The following CALCR variants were observed in gnomAD, a reference collection of about 807,000 sequenced individuals.
CALCR encodes calcitonin receptor.
A neutral mutation model predicts 59.5 loss-of-function variants in CALCR; 47 were observed. The observed-to-expected ratio is 0.79, with a 90% confidence interval of 0.63 to 1.01. The LOEUF (loss-of-function observed/expected upper bound fraction) is 1.01, where lower values mean the gene tolerates loss of function less well. CALCR is among the 50% of genes least tolerant of loss of function. The probability of loss-of-function intolerance (pLI) is 0.00; values close to 1 mark genes in which losing one functional copy is unlikely to be tolerated. For missense variants in CALCR, 566 were observed against 597.1 expected (o/e 0.95, Z 0.54); for synonymous variants, 213 against 211.3 (o/e 1.01, Z -0.07).
At chr7:93,541,108 T>C (rs1278760621) in intron 2 of CALCR, among the ~76,000 whole-genome samples, 1 of 152,128 alleles carries the variant, frequency 6.6e-6, no homozygotes, top group Non-Finnish European at 1.5e-5. Context: ...GAACAAGACA[T>C]ACAAATTGGA....
intron 13 of CALCR, among the ~76,000 whole-genome samples, chr7:93,429,919 TTTTTTTGTTTGTTTG>T (rs1799613505): frequency 1.2e-5 from 1 of 86,156 alleles, no homozygotes; most frequent in Non-Finnish European, 2.3e-5. Flanking sequence ...AGACGGTTTT[TTTTTTTGTTTGTTTG>T]TTTTTTTGTT....
At chr7:93,559,890 A>G (rs1789705507) in intron 2 of CALCR, 1 of 152,156 alleles carries the variant, frequency 6.6e-6, no homozygotes, top group Non-Finnish European at 1.5e-5. Flanking sequence ...TCTCTGCTGC[A>G]AATTTCCACC....
At chr7:93,546,727 ATT>A (rs11326946) in intron 2 of CALCR, among the ~76,000 whole-genome samples, 81 of 143,840 alleles carry the variant, frequency 5.6e-4, no homozygotes, top group African/African-American at 5.4e-4. Context: ...TAATTTTTGT[ATT>A]TTTTTTTTTT....
chr7:93,436,843 T>A (rs1286644158), intron 11 of CALCR, among the ~76,000 whole-genome samples: 1 of 152,194 alleles, frequency 6.6e-6, no homozygotes, highest in Admixed American at 6.5e-5. Context: ...TCCCCACACA[T>A]ATGCAGTTGC....
chr7:93,558,107 T>A (rs1332124965), intron 2 of CALCR, among the ~76,000 whole-genome samples: 1 of 151,534 alleles, frequency 6.6e-6, no homozygotes, highest in Non-Finnish European at 1.5e-5. Flanking sequence ...CAAACTTAAA[T>A]CTTGTAGTCT....
chr7:93,437,439 T>C (rs758858319), intron 11 of CALCR, among the ~76,000 whole-genome samples: 5 of 152,172 alleles, frequency 3.3e-5, no homozygotes, highest in Non-Finnish European at 5.9e-5. Flanking sequence ...GAAAGATTAT[T>C]TAATCTAACT....
chr7:93,461,359 G>C (rs1052923414), intron 7 of CALCR, among the ~76,000 whole-genome samples: 1 of 152,162 alleles, frequency 6.6e-6, no homozygotes, highest in African/African-American at 2.4e-5. Flanking sequence ...AGGTCACAGA[G>C]CGTGAAGTCA....
In CALCR at chr7:93,437,924, C is replaced by T. The variant is rs1799814348; in HGVS notation, c.930+136G>A. The T allele has an allele frequency of 4.7e-6, 4 of 844,546 alleles. No individual in the cohort carries two copies. The East Asian group carries it at 1.1e-4, about 23-fold the overall frequency. 52.3% of individuals were successfully genotyped at this position (844,546 alleles called of 1,614,324 possible). A position where few individuals can be genotyped will look rare whatever the true frequency, so the allele number is the denominator to read the frequency against. ...TTTTGAAGAGTCTAAAATCAAATTGCTTTTTTTTACTACAGAATACCATCA... is the reference window on the plus strand; with the variant it reads ...TTTTGAAGAGTCTAAAATCAAATTGTTTTTTTTTACTACAGAATACCATCA... On this transcript the variant is annotated intron_variant, in intron 11 of 13. Transcript: ENST00000426151.
At chr7:93,430,096 TA>T (rs994308949) in intron 13 of CALCR, among the ~76,000 whole-genome samples, 22 of 86,070 alleles carry the variant, frequency 2.6e-4, no homozygotes, top group African/African-American at 1.1e-3. Flanking sequence ...CAAGCCCGGC[TA>T]ATTTTTTTTT....
chr7:93,496,531 C>A (rs1192768892), intron 2 of CALCR, among the ~76,000 whole-genome samples: 2 of 151,586 alleles, frequency 1.3e-5, no homozygotes, highest in South Asian at 2.1e-4. Flanking sequence ...CTTCATGAAG[C>A]AAAAGTGGAA....
chr7:93,485,566 T>C (rs1396870021), intron 3 of CALCR, among the ~76,000 whole-genome samples: 1 of 151,644 alleles, frequency 6.6e-6, no homozygotes, highest in Non-Finnish European at 1.5e-5. Flanking sequence ...CCAGATCACT[T>C]AGGATTTCAT....
intron 9 of CALCR, among the ~76,000 whole-genome samples, chr7:93,442,540 G>A (rs1166074860): frequency 1.3e-5 from 2 of 152,164 alleles, no homozygotes; most frequent in Admixed American, 1.3e-4. Context: ...TAAAGTTGGC[G>A]ACAATGCCTG....
intron 2 of CALCR, among the ~76,000 whole-genome samples, chr7:93,487,429 C>T (rs1420958567): frequency 6.6e-6 from 1 of 151,048 alleles, no homozygotes; most frequent in African/African-American, 2.4e-5. Flanking sequence ...ATCATCATGC[C>T]CTCTAGGTAG....
chr7:93,554,904 C>G (rs1207545625), intron 2 of CALCR, among the ~76,000 whole-genome samples: 2 of 151,458 alleles, frequency 1.3e-5, no homozygotes, highest in African/African-American at 4.9e-5. Context: ...CACAGTAAAT[C>G]TGAGAGCTAG....
In CALCR at chr7:93,434,594, G is replaced by GAA. The variant is rs74532696; in HGVS notation, c.1150-302_1150-301dup. 0.2 allele frequency among the ~76,000 whole-genome samples: 28,822 copies of GAA among 146,826 alleles called. 3,043 individuals are homozygous for GAA. Among genetic ancestry groups the GAA allele is most frequent in the East Asian group, 0.39 (1,963 of 5,046 alleles). Reference sequence around the variant, plus strand: ...AGCATATGCTGATTATGGTGAATTTGAAAAAAAAAAACTACACTTAGAAAA... The same window carrying GAA: ...AGCATATGCTGATTATGGTGAATTTGAAAAAAAAAAAAACTACACTTAGAAAA... On this transcript the variant is annotated intron_variant, in intron 12 of 13. Coordinates refer to ENST00000426151, the MANE Select transcript of CALCR (RefSeq NM_001742.4).
chr7:93,443,011 C>T (rs895382789), intron 9 of CALCR, among the ~76,000 whole-genome samples: 1 of 152,044 alleles, frequency 6.6e-6, no homozygotes, highest in African/African-American at 2.4e-5. Flanking sequence ...TTAGTTTGTA[C>T]GGAAGCAGCC....
At chr7:93,518,944 G>C (rs553914149) in intron 2 of CALCR, among the ~76,000 whole-genome samples, 103 of 151,852 alleles carry the variant, frequency 6.8e-4, no homozygotes, top group Non-Finnish European at 1.8e-4. Context: ...ATGAGTTGTA[G>C]GATTGAGAGA....
chr7:93,456,139 A>G (rs1237276090), intron 8 of CALCR, among the ~76,000 whole-genome samples: 1 of 152,172 alleles, frequency 6.6e-6, no homozygotes, highest in Admixed American at 6.5e-5. Flanking sequence ...TGTATGCTTC[A>G]CAATCTACAG....
chr7:93,500,491 T>C (rs367891712), intron 2 of CALCR, among the ~76,000 whole-genome samples: 2 of 152,016 alleles, frequency 1.3e-5, no homozygotes, highest in African/African-American at 2.4e-5. Flanking sequence ...CCACAGGCCC[T>C]GTTGTACCAA....
Sources: allele counts gnomAD v4.1 joint callset (sites outside exome capture counted in the v4.1 genomes callset), GRCh38; gene constraint gnomAD v4.1.1; transcripts MANE v1.5; gene names NCBI Gene and HGNC (gene_info 2026-07-23, HGNC 2026-07-21).